The following PCDH17 variants were observed in gnomAD, a reference collection of about 807,000 sequenced individuals.
PCDH17 encodes the protein protocadherin-17.
PCDH17 carries 21 observed loss-of-function variants against 67.7 expected under a neutral mutation model. The observed-to-expected ratio is 0.31, with a 90% CI of 0.22 to 0.45. PCDH17 has a LOEUF of 0.45. PCDH17 is among the 20% of genes least tolerant of loss of function. The probability of loss-of-function intolerance (pLI) is 1.00; values close to 1 mark genes in which losing one functional copy is unlikely to be tolerated. For synonymous variants in PCDH17, 701 were observed against 656.7 expected (o/e 1.07, Z -1.03); for missense variants, 1,471 against 1,564.8 (o/e 0.94, Z 1.01).
chr13:57,725,833 T>A lies in PCDH17; in HGVS notation c.*539T>A, dbSNP rs1955912637. 1 of 152,712 alleles carries A rather than the reference T, an allele frequency of 6.5e-6. No homozygotes were observed. Among genetic ancestry groups the A allele is most frequent in the Non-Finnish European group, 1.5e-5 (1 of 68,136 alleles). The allele number at this position is 152,712 out of a possible 1,614,324, so 9.5% of individuals were successfully genotyped here. Reference sequence around the variant, plus strand: ...TACACCAAACATTAACACATATTTGTGGTAAACATTTCTGTATAAAGTTAC... The same window carrying A: ...TACACCAAACATTAACACATATTTGAGGTAAACATTTCTGTATAAAGTTAC... On this transcript the variant is annotated 3_prime_UTR_variant, in exon 4 of 4. Transcript: ENST00000377918.
chr13:57,645,809 G>T (rs1179800415), intron 1 of PCDH17, among the ~76,000 whole-genome samples: 1 of 150,986 alleles, frequency 6.6e-6, no homozygotes, highest in Non-Finnish European at 1.5e-5. Flanking sequence ...TGGTTTATAT[G>T]GTATTAGAGT....
intron 3 of PCDH17, among the ~76,000 whole-genome samples, chr13:57,722,303 A>G (rs1327004500): frequency 6.6e-6 from 1 of 152,214 alleles, no homozygotes; most frequent in Non-Finnish European, 1.5e-5. Context: ...AAGGCCAGTC[A>G]ATATGAAACA....
chr13:57,690,176 T>C (rs1053664384), intron 3 of PCDH17, among the ~76,000 whole-genome samples: 1 of 151,724 alleles, frequency 6.6e-6, no homozygotes, highest in African/African-American at 2.4e-5. Flanking sequence ...TTTAAAATCA[T>C]GCATGAAAAA....
intron 3 of PCDH17, among the ~76,000 whole-genome samples, chr13:57,683,858 A>G (rs1955481317): frequency 6.6e-6 from 1 of 151,960 alleles, no homozygotes; most frequent in Non-Finnish European, 1.5e-5. Context: ...CCATCAATTT[A>G]GGTAAGTTCA....
chr13:57,640,111 C>T (rs948502550), intron 1 of PCDH17, among the ~76,000 whole-genome samples: 3 of 151,944 alleles, frequency 2.0e-5, no homozygotes, highest in African/African-American at 7.2e-5. Context: ...TCAAAAATTT[C>T]AGGTAATATT....
intron 1 of PCDH17, among the ~76,000 whole-genome samples, chr13:57,644,537 A>G (rs764354803): frequency 6.6e-6 from 1 of 151,300 alleles, no homozygotes; most frequent in Non-Finnish European, 1.5e-5. Flanking sequence ...AAAAAAAAAG[A>G]AACATAATTA....
Position 57,633,045 on chromosome 13 carries a change from C to G in PCDH17, c.499C>G (p.Arg167Gly), listed in dbSNP as rs1276339493. The change falls in exon 1 of 4, where the codon CGC becomes GGC. Residue 167 changes from arginine to glycine, a missense_variant. Transcript: ENST00000377918. The surrounding 1 kb of genome is among the most constrained non-coding windows in gnomAD (Gnocchi z 6.2). ...CCCCGACGCCGGCGAGAATGGGCTC[C>G]GCACCTACCTGCTCACGCGCGACGA... ...HDPDAGENGL[R>G]TYLLTRDDHG... The G allele has an allele frequency of 2.5e-6, 4 of 1,612,962 alleles. No individual in the cohort carries two copies. Among genetic ancestry groups the G allele is most frequent in the South Asian group, 1.1e-5 (1 of 91,076 alleles).
At chr13:57,660,484 A>G (rs1477079155) in intron 1 of PCDH17, among the ~76,000 whole-genome samples, 1 of 152,248 alleles carries the variant, frequency 6.6e-6, no homozygotes, top group Non-Finnish European at 1.5e-5. Flanking sequence ...AAGAATCCTC[A>G]GCATATATGT....
At chr13:57,652,284 C>CA (rs11435613) in intron 1 of PCDH17, among the ~76,000 whole-genome samples, 31,019 of 117,190 alleles carry the variant, frequency 0.26, 5,934 homozygotes, top group African/African-American at 0.52. Flanking sequence ...GACTCCGTCT[C>CA]AAAAAAAAAA....
intron 3 of PCDH17, 84 bp from the exon 4 acceptor site, chr13:57,724,528 C>T (rs1955896511): frequency 9.4e-7 from 1 of 1,060,320 alleles, no homozygotes; most frequent in African/African-American, 1.6e-5. Flanking sequence ...TCAAGCAAGC[C>T]CATTGAGAGC....
At chr13:57,655,357 G>A (rs1955089652) in intron 1 of PCDH17, among the ~76,000 whole-genome samples, 2 of 151,646 alleles carry the variant, frequency 1.3e-5, no homozygotes, top group Non-Finnish European at 3.0e-5. Flanking sequence ...GGTGAATTTT[G>A]TTTACCAAAA....
chr13:57,666,730 T>A lies in PCDH17; in HGVS notation c.2694T>A (p.Ala898=), dbSNP rs768653399. 6.2e-7 allele frequency: 1 copy of A among 1,613,860 alleles called. No homozygotes were observed. Among genetic ancestry groups the A allele is most frequent in the Admixed American group, 1.7e-5 (1 of 59,930 alleles). ...RDSGHGDSDQ[A]DSDQDTNKGS... ...GTGGGCACGGGGACAGTGATCAGGC[T>A]GACAGTGACCAAGACACTAACAAAG... Residue 898 remains alanine, a synonymous_variant, in exon 3 of 4, where the codon GCT becomes GCA. Transcript: ENST00000377918.
chr13:57,724,094 T>C (rs1955893033), intron 3 of PCDH17, among the ~76,000 whole-genome samples: 1 of 152,228 alleles, frequency 6.6e-6, no homozygotes, highest in African/African-American at 2.4e-5. Context: ...AGTAAGCATT[T>C]AAAGGAAACC....
Position 57,726,218 on chromosome 13 carries a change from A to G in PCDH17, c.*924A>G, listed in dbSNP as rs1159112712. On this transcript the variant is annotated 3_prime_UTR_variant, in exon 4 of 4. Coordinates refer to ENST00000377918, the MANE Select transcript of PCDH17 (RefSeq NM_001040429.3). ...TCATTTGTGGACACTAAAATAGCTC[A>G]GGAAAGTGAAAATGTCTTAGACATA... 6.6e-6 allele frequency: 1 copy of G among 152,654 alleles called. No homozygotes were observed. The highest frequency in any genetic ancestry group is 1.5e-5 in the Non-Finnish European group (1 of 68,040). The allele number at this position is 152,654 out of a possible 1,614,324, so 9.5% of individuals were successfully genotyped here.
intron 1 of PCDH17, among the ~76,000 whole-genome samples, chr13:57,656,050 A>G (rs562915808): frequency 1.1e-4 from 17 of 152,138 alleles, no homozygotes; most frequent in Non-Finnish European, 2.9e-5. Flanking sequence ...CAAATCTATG[A>G]AAGTCACTTA....
chr13:57,661,200 A>C (rs1955179209), intron 1 of PCDH17, among the ~76,000 whole-genome samples: 1 of 152,202 alleles, frequency 6.6e-6, no homozygotes, highest in African/African-American at 2.4e-5. Context: ...ATAATCTAAT[A>C]AATATATAGT....
At chr13:57,676,655 G>C (rs1319570231) in intron 3 of PCDH17, among the ~76,000 whole-genome samples, 5 of 151,824 alleles carry the variant, frequency 3.3e-5, no homozygotes, top group African/African-American at 9.7e-5. Context: ...GCTAGGAAGA[G>C]GAAGAGGTCA....
chr13:57,678,087 A>C (rs1416799710), intron 3 of PCDH17, among the ~76,000 whole-genome samples: 1 of 151,740 alleles, frequency 6.6e-6, no homozygotes, highest in East Asian at 1.9e-4. Flanking sequence ...TAACTATGTG[A>C]AGCAATATAG....
In PCDH17 at chr13:57,652,686, A is replaced by T. The variant is rs557515487; in HGVS notation, c.2566-13782A>T. Among the ~76,000 whole-genome samples, 405 of 152,308 alleles carry T rather than the reference A, an allele frequency of 2.7e-3. 1 individual carries two copies. The highest frequency in any genetic ancestry group is 9.5e-3 in the African/African-American group (395 of 41,570). Reference sequence around the variant, plus strand: ...CGTACAATTGCTTCTGATTCCATTTATACTTCTTTTCTTACAAGAAAACTG... The same window carrying T: ...CGTACAATTGCTTCTGATTCCATTTTTACTTCTTTTCTTACAAGAAAACTG... On this transcript the variant is annotated intron_variant, in intron 1 of 3. Coordinates refer to ENST00000377918, the MANE Select transcript of PCDH17 (RefSeq NM_001040429.3).
Sources: gnomAD v4.1 joint callset for allele counts (sites outside exome capture counted in the v4.1 genomes callset) on GRCh38, gnomAD v4.1.1 for gene constraint, Gnocchi (gnomAD v3.1) non-coding constraint, MANE v1.5 for transcripts, NCBI Gene and HGNC (gene_info 2026-07-23, HGNC 2026-07-21) for gene names.